The following RTN4 variants were observed in gnomAD, a reference collection of about 807,000 sequenced individuals.
RTN4 encodes reticulon-4.
RTN4 carries 32 observed loss-of-function variants against 90.4 expected under a neutral mutation model. The observed-to-expected ratio is 0.35, with a 90% CI of 0.27 to 0.48. RTN4 has a LOEUF of 0.48. Ranked by LOEUF, RTN4 falls within the 20% of genes least tolerant of loss-of-function variation. RTN4 has a pLI of 0.99. For synonymous variants in RTN4, 629 were observed against 552.5 expected (o/e 1.14, Z -1.94); for missense variants, 1,706 against 1,430.2 (o/e 1.19, Z -3.11).
intron 5 of RTN4, among the ~76,000 whole-genome samples, chr2:54,976,247 G>A (rs2104608947): frequency 6.6e-6 from 1 of 152,252 alleles, no homozygotes; most frequent in South Asian, 2.1e-4. Context: ...CACTGACAAG[G>A]CTTCACTCCA....
chr2:55,105,751 C>T (rs1432480892), intron 1 of RTN4, among the ~76,000 whole-genome samples: 2 of 152,002 alleles, frequency 1.3e-5, no homozygotes, highest in African/African-American at 2.4e-5. Flanking sequence ...GCAGGAGAAA[C>T]ACTTGTGACC....
intron 1 of RTN4, among the ~76,000 whole-genome samples, chr2:55,096,020 C>T (rs1027422169): frequency 2.6e-5 from 4 of 152,138 alleles, no homozygotes; most frequent in Admixed American, 6.6e-5. Flanking sequence ...GTACCATTTT[C>T]ATCCCACCAT....
Position 54,973,183 on chromosome 2 carries a change from G to C in RTN4, c.3552C>G (p.Ile1184Met). The C allele has an allele frequency of 6.2e-7, 1 of 1,603,586 alleles. No homozygotes were observed. The highest frequency in any genetic ancestry group is 8.5e-7 in the Non-Finnish European group (1 of 1,171,588). ...ATTCAGCTTTGCGCTTCAATCCAGG[G>C]ATTTTTGCTTGGATTCTGAAAATGA... is the stretch of plus-strand genomic sequence containing the variant. ...KDAMAKIQAKIPGLKRKAE is the reference protein window; with the variant it reads ...KDAMAKIQAKMPGLKRKAE The change falls in exon 9 of 9, where the codon ATC (isoleucine) becomes ATG (methionine). Residue 1184 changes from isoleucine to methionine, a missense_variant. Ile to Met is a conservative substitution (Grantham distance 10). Transcript: ENST00000337526.
chr2:55,028,043 C>A (rs886691552), intron 2 of RTN4, 121 bp downstream of exon 2: 35 of 828,898 alleles, frequency 4.2e-5, no homozygotes, highest in Non-Finnish European at 5.5e-5. Context: ...TTCCAGTAGA[C>A]AAAACATTCT....
the RTN4 span, among the ~76,000 whole-genome samples, chr2:55,130,509 G>T: frequency 6.6e-6 from 1 of 152,186 alleles, no homozygotes; most frequent in Non-Finnish European, 1.5e-5. Flanking sequence ...CAGCACTTTG[G>T]GGAGGGTGAT....
the RTN4 span, among the ~76,000 whole-genome samples, chr2:55,122,793 G>A: frequency 6.6e-6 from 1 of 152,164 alleles, no homozygotes; most frequent in African/African-American, 2.4e-5. Context: ...TGGGAGACCT[G>A]CACACACACC....
chr2:54,974,840 C>A, intron 5 of RTN4, 76 bp from the exon 6 acceptor site: 3 of 1,199,786 alleles, frequency 2.5e-6, no homozygotes, highest in African/African-American at 1.5e-5. Context: ...AAAAGCATCC[C>A]ATCTAAATGC....
chr2:55,133,433 T>C, the RTN4 span, among the ~76,000 whole-genome samples: 4 of 152,200 alleles, frequency 2.6e-5, no homozygotes, highest in African/African-American at 7.2e-5. Context: ...GTAAAAATTG[T>C]CAGAAAGGTA....
chr2:55,080,747 G>A (rs1157052921), intron 1 of RTN4: 3 of 152,150 alleles, frequency 2.0e-5, no homozygotes, highest in Non-Finnish European at 4.4e-5. Flanking sequence ...CTGGGCATAT[G>A]ACCCTTCTGT....
chr2:55,114,726 C>T (rs1668094095), upstream of RTN4, among the ~76,000 whole-genome samples: 1 of 152,040 alleles, frequency 6.6e-6, no homozygotes, highest in African/African-American at 2.4e-5. Flanking sequence ...AAATAAGTAA[C>T]TCCAGAGAAC....
chr2:55,099,809 A>C (rs1346984298), intron 1 of RTN4, among the ~76,000 whole-genome samples: 1 of 152,106 alleles, frequency 6.6e-6, no homozygotes. Context: ...AATATGTAGA[A>C]TCCTGTAAAG....
intron 3 of RTN4, among the ~76,000 whole-genome samples, chr2:55,018,484 G>A (rs1331789132): frequency 6.6e-6 from 1 of 151,982 alleles, no homozygotes; most frequent in Non-Finnish European, 1.5e-5. Flanking sequence ...ATCTTAGGCA[G>A]GGTTGCAGAG....
At chr2:55,131,359 C>A in the RTN4 span, among the ~76,000 whole-genome samples, 556 of 152,146 alleles carry the variant, frequency 3.7e-3, 6 homozygotes, top group African/African-American at 0.013. Flanking sequence ...CAGGCATGCA[C>A]CACCATACCC....
intron 2 of RTN4, among the ~76,000 whole-genome samples, chr2:55,068,290 G>C (rs1192220572): frequency 6.6e-6 from 1 of 151,996 alleles, no homozygotes; most frequent in Non-Finnish European, 1.5e-5. Flanking sequence ...ACTCTGAATG[G>C]ATCTTTCACC....
chr2:55,088,573 T>C (rs1401462531), intron 1 of RTN4, among the ~76,000 whole-genome samples: 1 of 152,218 alleles, frequency 6.6e-6, no homozygotes, highest in Non-Finnish European at 1.5e-5. Context: ...TATGTAACAT[T>C]GGTTTGCATA....
the RTN4 span, among the ~76,000 whole-genome samples, chr2:55,130,772 G>A: frequency 2.0e-5 from 3 of 152,116 alleles, no homozygotes; most frequent in Non-Finnish European, 4.4e-5. Context: ...TAATTTGCCT[G>A]AGGTCACAGA....
the RTN4 span, among the ~76,000 whole-genome samples, chr2:55,136,872 A>G: frequency 6.6e-6 from 1 of 152,224 alleles, no homozygotes; most frequent in Non-Finnish European, 1.5e-5. Flanking sequence ...CAGCAAATCA[A>G]TACCCTGGGC....
intron 4 of RTN4, among the ~76,000 whole-genome samples, chr2:54,984,529 T>C (rs1265084179): frequency 6.6e-6 from 1 of 152,248 alleles, no homozygotes; most frequent in Non-Finnish European, 1.5e-5. Flanking sequence ...CCACTGTTAC[T>C]TGTTCTTGCT....
chr2:55,089,306 T>G (rs1370989088), intron 1 of RTN4, among the ~76,000 whole-genome samples: 1 of 152,202 alleles, frequency 6.6e-6, no homozygotes, highest in African/African-American at 2.4e-5. Flanking sequence ...AGCATCAGTA[T>G]GAATGCTAAA....
Sources: gnomAD v4.1 joint callset for allele counts (sites outside exome capture counted in the v4.1 genomes callset) on GRCh38, gnomAD v4.1.1 for gene constraint, MANE v1.5 for transcripts, NCBI Gene and HGNC (gene_info 2026-07-23, HGNC 2026-07-21) for gene names.